Variants in DLGAP1 observed in about 807,000 individuals in gnomAD.
The protein encoded by DLGAP1 is DLG associated protein 1.
Under a neutral mutation model 90.8 loss-of-function variants are expected in DLGAP1, and 11 were observed. The ratio of observed to expected loss-of-function variants is 0.12; its 90% CI spans 0.08 to 0.20. The LOEUF is 0.20. Ranked by LOEUF, DLGAP1 falls within the 10% of genes least tolerant of loss-of-function variation. The pLI is 1.00. For missense variants in DLGAP1, 1,050 were observed against 1,333.8 expected (o/e 0.79, Z 3.31); for synonymous variants, 558 against 540.7 (o/e 1.03, Z -0.44).
chr18:3,979,487 A>G (rs943999774), intron 3 of DLGAP1, among the ~76,000 whole-genome samples: 3 of 152,146 alleles, frequency 2.0e-5, no homozygotes, highest in African/African-American at 4.8e-5. Context: ...GTATTAACTC[A>G]CGTGGATTTT....
intron 3 of DLGAP1, among the ~76,000 whole-genome samples, chr18:3,901,871 G>C (rs1394742325): frequency 2.0e-5 from 3 of 152,106 alleles, no homozygotes; most frequent in Non-Finnish European, 4.4e-5. Context: ...AGTCTAATAG[G>C]AATGCCTCAA....
At chr18:3,520,802 G>A (rs1323316655) in intron 10 of DLGAP1, among the ~76,000 whole-genome samples, 1 of 152,190 alleles carries the variant, frequency 6.6e-6, no homozygotes, top group Non-Finnish European at 1.5e-5. Context: ...ATTCTCCAAA[G>A]GGCAGCATGC....
intron 1 of DLGAP1, among the ~76,000 whole-genome samples, chr18:4,162,731 T>TG (rs2076867484): frequency 6.6e-6 from 1 of 152,122 alleles, no homozygotes; most frequent in East Asian, 1.9e-4. Flanking sequence ...GTGGCAAAAT[T>TG]GAGCTCCTGG....
intron 2 of DLGAP1, among the ~76,000 whole-genome samples, chr18:4,122,126 G>C (rs2076162339): frequency 6.6e-6 from 1 of 152,152 alleles, no homozygotes; most frequent in Non-Finnish European, 1.5e-5. Flanking sequence ...AATATGTATG[G>C]CAAACCCTAT....
chr18:4,324,050 A>C (rs1417428401), intron 1 of DLGAP1, among the ~76,000 whole-genome samples: 7 of 152,130 alleles, frequency 4.6e-5, no homozygotes, highest in African/African-American at 1.7e-4. Context: ...TTATGATTGA[A>C]AAACCATACA....
chr18:4,317,900 T>C (rs979947043), intron 1 of DLGAP1, among the ~76,000 whole-genome samples: 1 of 152,200 alleles, frequency 6.6e-6, no homozygotes, highest in African/African-American at 2.4e-5. Flanking sequence ...AGAATGTGAG[T>C]GCAGTGGTGT....
intron 2 of DLGAP1, among the ~76,000 whole-genome samples, chr18:4,125,773 A>G (rs1340011610): frequency 1.3e-5 from 2 of 152,230 alleles, no homozygotes; most frequent in African/African-American, 2.4e-5. Context: ...CAGTGAAACT[A>G]GATACACCTG....
chr18:3,797,896 C>A (rs748542591), intron 5 of DLGAP1, among the ~76,000 whole-genome samples: 15 of 152,122 alleles, frequency 9.9e-5, no homozygotes, highest in Non-Finnish European at 1.9e-4. Flanking sequence ...ATAATTGAAT[C>A]ATGAGGGCAG....
intron 7 of DLGAP1, among the ~76,000 whole-genome samples, chr18:3,631,376 C>A (rs923456455): frequency 2.6e-5 from 4 of 152,198 alleles, no homozygotes; most frequent in Non-Finnish European, 5.9e-5. Context: ...TTAACCTTTT[C>A]TTAGAAAATA....
chr18:4,214,411 A>C (rs2077909152), intron 1 of DLGAP1, among the ~76,000 whole-genome samples: 1 of 152,130 alleles, frequency 6.6e-6, no homozygotes, highest in African/African-American at 2.4e-5. Context: ...TCATTCAGCA[A>C]GACTCAGTGA....
At position 3,880,088 on chromosome 18, in the gene DLGAP1, C is replaced by G; in HGVS notation, c.-20G>C. ...TTTCATGGCGGACCGGAAGCAGCCG[C>G]CAGGGTCATGGACACCCGGAAGTCA... On this transcript the variant is annotated 5_prime_UTR_variant, in exon 4 of 13. Coordinates refer to ENST00000315677, the MANE Select transcript of DLGAP1 (RefSeq NM_004746.4). 1 of 1,595,524 alleles carries G rather than the reference C, an allele frequency of 6.3e-7. No individual in the cohort carries two copies.
chr18:4,249,496 T>C (rs1006051746), intron 1 of DLGAP1, among the ~76,000 whole-genome samples: 1 of 150,782 alleles, frequency 6.6e-6, no homozygotes, highest in Non-Finnish European at 1.5e-5. Context: ...ATATTAGATA[T>C]GCTTACCCAA....
intron 2 of DLGAP1, among the ~76,000 whole-genome samples, chr18:4,122,025 T>C (rs2076160974): frequency 6.6e-6 from 1 of 152,174 alleles, no homozygotes; most frequent in Non-Finnish European, 1.5e-5. Flanking sequence ...GACTCCAGCA[T>C]CTGTGAGTTT....
intron 1 of DLGAP1, among the ~76,000 whole-genome samples, chr18:4,225,975 A>G (rs1261857346): frequency 1.3e-5 from 2 of 152,138 alleles, no homozygotes; most frequent in Non-Finnish European, 2.9e-5. Flanking sequence ...AGATTAACCT[A>G]AAGACTACAA....
chr18:3,500,410 A>G (rs1178025481), intron 12 of DLGAP1, among the ~76,000 whole-genome samples: 1 of 152,210 alleles, frequency 6.6e-6, no homozygotes, highest in Non-Finnish European at 1.5e-5. Flanking sequence ...TTCTCATAAA[A>G]TGAAGCGTGA....
chr18:4,156,703 T>C (rs941683336), intron 1 of DLGAP1, among the ~76,000 whole-genome samples: 1 of 152,188 alleles, frequency 6.6e-6, no homozygotes, highest in Non-Finnish European at 1.5e-5. Flanking sequence ...TGAACAGATA[T>C]GAATCTATAG....
At chr18:3,639,651 C>A (rs2146294047) in intron 7 of DLGAP1, among the ~76,000 whole-genome samples, 1 of 151,498 alleles carries the variant, frequency 6.6e-6, no homozygotes, top group East Asian at 1.9e-4. Flanking sequence ...GTGACTCAGG[C>A]AAAAAGCCTC....
intron 7 of DLGAP1, among the ~76,000 whole-genome samples, chr18:3,636,721 T>C (rs1278138767): frequency 7.5e-6 from 1 of 133,088 alleles, no homozygotes; most frequent in African/African-American, 3.1e-5. Context: ...CGGCCACTTT[T>C]ACATCTTTTT....
At chr18:4,228,229 G>A (rs1311718722) in intron 1 of DLGAP1, among the ~76,000 whole-genome samples, 1 of 151,936 alleles carries the variant, frequency 6.6e-6, no homozygotes, top group African/African-American at 2.4e-5. Flanking sequence ...TCCTAGCAAA[G>A]ATAAGCCTGG....
Sources: allele counts gnomAD v4.1 joint callset (sites outside exome capture counted in the v4.1 genomes callset), GRCh38; gene constraint gnomAD v4.1.1; transcripts MANE v1.5; gene names NCBI Gene and HGNC (gene_info 2026-07-23, HGNC 2026-07-21).